SLC2A13: variants seen among roughly 807,000 people sequenced by gnomAD.
SLC2A13 encodes the protein proton myo-inositol cotransporter.
A neutral mutation model predicts 64.4 loss-of-function variants in SLC2A13; 32 were observed. The ratio of observed to expected loss-of-function variants is 0.50; its 90% confidence interval spans 0.37 to 0.67. The LOEUF (loss-of-function observed/expected upper bound fraction) is 0.67. Ranked by LOEUF, SLC2A13 falls within the 30% of genes least tolerant of loss-of-function variation. SLC2A13 has a pLI of 0.00. For synonymous variants in SLC2A13, 338 were observed against 327.1 expected, an observed-to-expected ratio of 1.03 and a Z score of -0.36; for missense variants, 743 against 829.2, an observed-to-expected ratio of 0.90 and a Z score of 1.28.
At chr12:39,961,801 T>C (rs1220133080) in intron 3 of SLC2A13, among the ~76,000 whole-genome samples, 1 of 150,926 alleles carries the variant, frequency 6.6e-6, no homozygotes, top group African/African-American at 2.4e-5. Flanking sequence ...ACACTCGGCC[T>C]TTCTTTTCTT....
intron 4 of SLC2A13, among the ~76,000 whole-genome samples, chr12:39,878,949 C>G (rs1306773778): frequency 6.6e-6 from 1 of 152,248 alleles, no homozygotes; most frequent in Non-Finnish European, 1.5e-5. Flanking sequence ...CAGCCCAGAG[C>G]CTACTGCCCT....
intron 4 of SLC2A13, among the ~76,000 whole-genome samples, chr12:39,896,001 T>C (rs985399421): frequency 1.5e-5 from 2 of 134,024 alleles, no homozygotes; most frequent in African/African-American, 2.9e-5. Flanking sequence ...TATATGTGTA[T>C]ATATACATGT....
At chr12:40,056,000 A>C (rs937426968) in intron 1 of SLC2A13, among the ~76,000 whole-genome samples, 31 of 150,294 alleles carry the variant, frequency 2.1e-4, no homozygotes, top group African/African-American at 5.3e-4. Flanking sequence ...CAAAAAAAAA[A>C]CAAAACAAAC....
intron 1 of SLC2A13, among the ~76,000 whole-genome samples, chr12:40,069,402 TA>T (rs1308082952): frequency 6.6e-6 from 1 of 150,474 alleles, no homozygotes; most frequent in Non-Finnish European, 1.5e-5. Flanking sequence ...ATCCACTCAA[TA>T]AAAAAAAATT....
chr12:40,098,694 G>C (rs1472221914), intron 1 of SLC2A13, among the ~76,000 whole-genome samples: 1 of 152,188 alleles, frequency 6.6e-6, no homozygotes, highest in African/African-American at 2.4e-5. Flanking sequence ...GTGATCATGA[G>C]AAAGTTACTT....
chr12:39,784,512 C>T (rs4391875), intron 7 of SLC2A13, among the ~76,000 whole-genome samples: 120,099 of 152,148 alleles, frequency 0.79, 47,726 homozygotes, highest in Non-Finnish European at 0.84. Context: ...TGGGAAAACT[C>T]GCTAGCCATA....
intron 3 of SLC2A13, among the ~76,000 whole-genome samples, chr12:39,996,134 C>A (rs1437069389): frequency 6.6e-6 from 1 of 152,168 alleles, no homozygotes; most frequent in Non-Finnish European, 1.5e-5. Context: ...TTGAAGTGGT[C>A]TCAAATGGAG....
chr12:40,000,980 A>G (rs922410532), intron 3 of SLC2A13, among the ~76,000 whole-genome samples: 11 of 152,200 alleles, frequency 7.2e-5, no homozygotes, highest in African/African-American at 2.4e-4. Context: ...GCATTCCCCA[A>G]TGTCCAAAAG....
rs559416496 is a variant in SLC2A13 at position 40,057,759 on chromosome 12, C to T, written c.557-9549G>A. 2.0e-5 allele frequency among the ~76,000 whole-genome samples: 3 copies of T among 152,200 alleles called. No individual in the cohort carries two copies. In the South Asian group the frequency reaches 6.2e-4, roughly 32 times the overall value. On this transcript the variant is annotated intron_variant, in intron 1 of 9. Coordinates refer to ENST00000280871, the MANE Select transcript of SLC2A13 (RefSeq NM_052885.4). Reference sequence around the variant, plus strand: ...ATTTTACGCAGTTGGAACACTATGCCTGAATAATTTTTACACAAAAATTTC... The same window carrying T: ...ATTTTACGCAGTTGGAACACTATGCTTGAATAATTTTTACACAAAAATTTC...
intron 1 of SLC2A13, among the ~76,000 whole-genome samples, chr12:40,077,482 G>A (rs532544721): frequency 1.3e-5 from 2 of 152,146 alleles, no homozygotes; most frequent in South Asian, 4.1e-4. Context: ...CTTTATTTCT[G>A]GGTTCTCTAA....
intron 4 of SLC2A13, among the ~76,000 whole-genome samples, chr12:39,926,140 G>C (rs73092233): frequency 0.038 from 5,722 of 152,086 alleles, 169 homozygotes; most frequent in East Asian, 0.094. Flanking sequence ...GAACATTAAA[G>C]CAAAGAGAAT....
intron 3 of SLC2A13, among the ~76,000 whole-genome samples, chr12:40,007,094 C>T (rs1187033819): frequency 1.3e-5 from 2 of 152,072 alleles, no homozygotes; most frequent in Non-Finnish European, 2.9e-5. Flanking sequence ...AAAGTTGACC[C>T]AGTATAAGAA....
intron 3 of SLC2A13, among the ~76,000 whole-genome samples, chr12:39,999,373 G>A (rs553470535): frequency 3.9e-5 from 6 of 152,240 alleles, no homozygotes; most frequent in East Asian, 3.9e-4. Context: ...GGAAGATATC[G>A]CTAAATTCTT....
At chr12:39,881,064 T>C (rs1472276229) in intron 4 of SLC2A13, among the ~76,000 whole-genome samples, 2 of 152,168 alleles carry the variant, frequency 1.3e-5, no homozygotes, top group African/African-American at 2.4e-5. Flanking sequence ...TATAATTCAA[T>C]CAAATGTTAC....
intron 4 of SLC2A13, among the ~76,000 whole-genome samples, chr12:39,918,876 A>C (rs1945564871): frequency 6.7e-6 from 1 of 149,668 alleles, no homozygotes; most frequent in Non-Finnish European, 1.5e-5. Context: ...AGGGTTAAAA[A>C]CCTTTTTGTT....
chr12:39,937,574 T>C (rs1945938190), intron 4 of SLC2A13, among the ~76,000 whole-genome samples: 1 of 152,196 alleles, frequency 6.6e-6, no homozygotes, highest in African/African-American at 2.4e-5. Context: ...CAGTGAAATA[T>C]ATAATTCAGA....
chr12:40,077,325 T>C (rs1938214580), intron 1 of SLC2A13, among the ~76,000 whole-genome samples: 2 of 152,236 alleles, frequency 1.3e-5, no homozygotes, highest in Admixed American at 6.5e-5. Flanking sequence ...AGTTGATTTT[T>C]GTATATGAAG....
chr12:40,101,257 C>T (rs527631086), intron 1 of SLC2A13, among the ~76,000 whole-genome samples: 1 of 152,116 alleles, frequency 6.6e-6, no homozygotes, highest in African/African-American at 2.4e-5. Flanking sequence ...TACAACCAGT[C>T]AAGAAAACAG....
At chr12:40,058,054 T>TAGAC (rs1230393728) in intron 1 of SLC2A13, among the ~76,000 whole-genome samples, 1 of 148,026 alleles carries the variant, frequency 6.8e-6, no homozygotes, top group African/African-American at 2.5e-5. Context: ...GATAGATAGA[T>TAGAC]AGATAGATAG....
Sources: gnomAD v4.1 joint callset for allele counts (sites outside exome capture counted in the v4.1 genomes callset) on GRCh38, gnomAD v4.1.1 for gene constraint, MANE v1.5 for transcripts, NCBI Gene and HGNC (gene_info 2026-07-23, HGNC 2026-07-21) for gene names.